The following CAMK1D variants were observed in gnomAD, a reference collection of about 807,000 sequenced individuals.
The protein encoded by CAMK1D is calcium/calmodulin dependent protein kinase ID.
CAMK1D carries 9 observed loss-of-function variants against 47.7 expected under a neutral mutation model. The ratio of observed to expected loss-of-function variants is 0.19; its 90% CI spans 0.11 to 0.33. The LOEUF is 0.33. Ranked by LOEUF, CAMK1D falls within the 10% of genes least tolerant of loss-of-function variation. The pLI is 1.00. For missense variants in CAMK1D, 291 were observed against 488.7 expected, an observed-to-expected ratio of 0.60 and a Z score of 3.81; for synonymous variants, 184 against 184.9, an observed-to-expected ratio of 0.99 and a Z score of 0.04.
chr10:12,631,547 G>A (rs947540122), intron 2 of CAMK1D, among the ~76,000 whole-genome samples: 2 of 152,250 alleles, frequency 1.3e-5, no homozygotes, highest in Non-Finnish European at 1.5e-5. Context: ...GGACACAGCA[G>A]TAGGGTAGAC....
intron 2 of CAMK1D, among the ~76,000 whole-genome samples, chr10:12,599,891 CAAAT>C (rs1002178469): frequency 1.3e-5 from 2 of 152,290 alleles, no homozygotes; most frequent in African/African-American, 2.4e-5. Flanking sequence ...AACAAACAAA[CAAAT>C]AAAAAACCAA....
intron 2 of CAMK1D, among the ~76,000 whole-genome samples, chr10:12,577,172 C>A (rs1040727741): frequency 6.0e-5 from 9 of 149,980 alleles, no homozygotes; most frequent in Admixed American, 5.9e-4. Context: ...TCCCCCCGGC[C>A]AATAACACAA....
chr10:12,684,026 C>T (rs759500825), intron 3 of CAMK1D, among the ~76,000 whole-genome samples: 16 of 151,830 alleles, frequency 1.1e-4, no homozygotes, highest in Admixed American at 3.3e-4. Context: ...CAAATTAGGC[C>T]GTAAGGAATA....
intron 6 of CAMK1D, among the ~76,000 whole-genome samples, chr10:12,803,785 C>G (rs1838591729): frequency 6.6e-6 from 1 of 152,188 alleles, no homozygotes; most frequent in Non-Finnish European, 1.5e-5. Context: ...GACTCACTTT[C>G]CCTGTCTCTT....
At chr10:12,387,375 T>A (rs1225082289) in intron 1 of CAMK1D, among the ~76,000 whole-genome samples, 5 of 32,838 alleles carry the variant, frequency 1.5e-4, no homozygotes, top group Non-Finnish European at 4.5e-4. Context: ...ATATATATAT[T>A]ATATATTATA....
At chr10:12,539,422 G>A (rs1437110594) in intron 1 of CAMK1D, among the ~76,000 whole-genome samples, 1 of 152,178 alleles carries the variant, frequency 6.6e-6, no homozygotes, top group Non-Finnish European at 1.5e-5. Flanking sequence ...CTGGTGAGTG[G>A]GAATGGCCAG....
chr10:12,407,671 T>A (rs1271096317), intron 1 of CAMK1D, among the ~76,000 whole-genome samples: 1 of 152,194 alleles, frequency 6.6e-6, no homozygotes, highest in Non-Finnish European at 1.5e-5. Flanking sequence ...ATATGAAATC[T>A]AGGAGGAGAT....
At chr10:12,709,299 G>A (rs1452586835) in intron 3 of CAMK1D, among the ~76,000 whole-genome samples, 2 of 152,142 alleles carry the variant, frequency 1.3e-5, no homozygotes, top group Non-Finnish European at 2.9e-5. Flanking sequence ...AAAATGTGAG[G>A]AGTGCTAAGG....
chr10:12,425,008 C>G (rs958272037), intron 1 of CAMK1D, among the ~76,000 whole-genome samples: 3 of 152,230 alleles, frequency 2.0e-5, no homozygotes, highest in African/African-American at 4.8e-5. Flanking sequence ...CCTGTGGTCT[C>G]TCTACTTATA....
chr10:12,516,540 T>C (rs1835217301), intron 1 of CAMK1D, among the ~76,000 whole-genome samples: 1 of 152,250 alleles, frequency 6.6e-6, no homozygotes, highest in South Asian at 2.1e-4. Context: ...TAAGTATTTA[T>C]TGAACCTTGT....
At chr10:12,444,124 G>T (rs371326621) in intron 1 of CAMK1D, among the ~76,000 whole-genome samples, 1 of 152,170 alleles carries the variant, frequency 6.6e-6, no homozygotes, top group Non-Finnish European at 1.5e-5. Flanking sequence ...GTTTTGGTGG[G>T]TTTTGGCCAG....
At chr10:12,657,004 CA>C (rs1237337384) in intron 2 of CAMK1D, among the ~76,000 whole-genome samples, 2 of 152,208 alleles carry the variant, frequency 1.3e-5, no homozygotes, top group Non-Finnish European at 2.9e-5. Flanking sequence ...AGCTAAGACG[CA>C]AGCTAATCTC....
intron 2 of CAMK1D, among the ~76,000 whole-genome samples, chr10:12,639,276 G>A (rs1188340191): frequency 6.6e-6 from 1 of 152,242 alleles, no homozygotes; most frequent in African/African-American, 2.4e-5. Flanking sequence ...ACCGAGGTCA[G>A]GCGTTCAAGA....
chr10:12,521,549 G>C (rs1835416121), intron 1 of CAMK1D, among the ~76,000 whole-genome samples: 1 of 152,066 alleles, frequency 6.6e-6, no homozygotes, highest in South Asian at 2.1e-4. Flanking sequence ...TTCCATGTGT[G>C]CTTAAAAAGA....
chr10:12,526,775 G>A (rs377330367), intron 1 of CAMK1D, among the ~76,000 whole-genome samples: 4 of 151,848 alleles, frequency 2.6e-5, no homozygotes, highest in Non-Finnish European at 4.4e-5. Context: ...AAAATTAGCC[G>A]GGTGTGGTGG....
intron 1 of CAMK1D, among the ~76,000 whole-genome samples, chr10:12,483,355 C>A (rs187534369): frequency 1.4e-3 from 209 of 152,184 alleles, no homozygotes; most frequent in Non-Finnish European, 2.6e-3. Context: ...TGTGCACCAC[C>A]ACGCCTGGCT....
chr10:12,627,865 G>T (rs1260821544), intron 2 of CAMK1D, among the ~76,000 whole-genome samples: 1 of 152,108 alleles, frequency 6.6e-6, no homozygotes, highest in South Asian at 2.1e-4. Context: ...AGATCACAAG[G>T]TCAGGAGATC....
chr10:12,387,418 T>TATATATTTTATATATTA (rs1838550941), intron 1 of CAMK1D, among the ~76,000 whole-genome samples: 1 of 37,982 alleles, frequency 2.6e-5, no homozygotes, highest in Admixed American at 4.4e-4. Context: ...TATATATATT[T>TATATATTTTATATATTA]TATATATTTT....
chr10:12,369,455 G>A (rs1837944295), intron 1 of CAMK1D, among the ~76,000 whole-genome samples: 1 of 152,130 alleles, frequency 6.6e-6, no homozygotes, highest in African/African-American at 2.4e-5. Context: ...CTGTGTATCG[G>A]TAGGAAGGTG....
Sources: gnomAD v4.1 joint callset for allele counts (sites outside exome capture counted in the v4.1 genomes callset) on GRCh38, gnomAD v4.1.1 for gene constraint, MANE v1.5 for transcripts, NCBI Gene and HGNC (gene_info 2026-07-23, HGNC 2026-07-21) for gene names.